Variants in AASS observed in about 807,000 individuals in gnomAD.
AASS encodes the protein alpha-aminoadipic semialdehyde synthase, mitochondrial.
A neutral mutation model predicts 105.4 loss-of-function variants in AASS; 86 were observed. The observed-to-expected ratio is 0.82, with a 90% CI of 0.69 to 0.98. AASS has a LOEUF of 0.98. Ranked by LOEUF, AASS falls within the 50% of genes least tolerant of loss-of-function variation. The probability of loss-of-function intolerance (pLI) is 0.00; values close to 1 mark genes in which losing one functional copy is unlikely to be tolerated. For missense variants in AASS, 1,048 were observed against 1,143.2 expected, an observed-to-expected ratio of 0.92 and a Z score of 1.20; for synonymous variants, 381 against 394.8, an observed-to-expected ratio of 0.96 and a Z score of 0.41.
At chr7:122,078,069 G>A in intron 22 of AASS, 55 bp from the exon 23 acceptor site, 1 of 1,519,216 alleles carries the variant, frequency 6.6e-7, no homozygotes, top group Non-Finnish European at 9.1e-7. Context: ...CTCAAATATT[G>A]TCTGTCATCT....
At chr7:122,112,307 C>T (rs541643852) in intron 11 of AASS, among the ~76,000 whole-genome samples, 2 of 152,298 alleles carry the variant, frequency 1.3e-5, no homozygotes, top group South Asian at 4.1e-4. Context: ...ATGACAGTGC[C>T]TGCTGCCTGC....
chr7:122,079,408 A>T, intron 21 of AASS, 189 bp downstream of exon 21: 1 of 1,265,870 alleles, frequency 7.9e-7, no homozygotes, highest in South Asian at 1.5e-5. Flanking sequence ...TCAAATTCTA[A>T]TTGCCATTGA....
rs559633981 is a variant in AASS at position 122,139,216 on chromosome 7, T to C, written c.-16+4945A>G. Among the ~76,000 whole-genome samples the C allele has an allele frequency of 3.3e-5, 5 of 152,304 alleles. No individual in the cohort carries two copies. In the South Asian group the frequency reaches 1.0e-3, roughly 32 times the overall value. On this transcript the variant is annotated intron_variant, in intron 1 of 23. Transcript: ENST00000417368. ...AATAAAATCTTTTGTACACGGAATA[T>C]GGGACAAATGCTTTTGATTCTCTTT...
In AASS at chr7:122,075,073, G is replaced by C. The variant is rs1792939272; in HGVS notation, c.*1416C>G. Among the ~76,000 whole-genome samples, 1 of 152,024 alleles carries C rather than the reference G, an allele frequency of 6.6e-6. No homozygotes were observed. The highest frequency in any genetic ancestry group is 1.5e-5 in the Non-Finnish European group (1 of 68,008). ...TGTTTGTTTGTTTTTGTAGAGATGG[G>C]ATCTCACTGTTTCCCAGGCTGGTCT... On this transcript the variant is annotated 3_prime_UTR_variant, in exon 24 of 24. Transcript: ENST00000417368.
At chr7:122,140,380 G>T (rs987548888) in intron 1 of AASS, among the ~76,000 whole-genome samples, 2 of 150,914 alleles carry the variant, frequency 1.3e-5, no homozygotes, top group Non-Finnish European at 2.9e-5. Context: ...AGCTACTCGG[G>T]AGACTGAGGC....
In AASS at chr7:122,076,557, C is replaced by T. The variant is rs772498344; in HGVS notation, c.2713G>A (p.Gly905Arg). 3.1e-6 allele frequency: 5 copies of T among 1,613,842 alleles called. No homozygotes were observed. The highest frequency in any genetic ancestry group is 2.2e-5 in the South Asian group (2 of 91,064). ...LMGPFSKEIY[G>R]PILERIKAEG... ...GCTTTAATTCGCTCCAATATTGGTCCATAGATCTCCTTTGAAAAGGGCCCC... is the reference window on the plus strand; with the variant it reads ...GCTTTAATTCGCTCCAATATTGGTCTATAGATCTCCTTTGAAAAGGGCCCC... The change falls in exon 24 of 24, where the codon GGA (glycine) becomes AGA (arginine). Residue 905 changes from glycine to arginine, a missense_variant. Gly to Arg is a moderately radical substitution (Grantham distance 125). Transcript: ENST00000417368.
At chr7:122,104,192 T>C (rs1794557676) in intron 11 of AASS, among the ~76,000 whole-genome samples, 1 of 152,042 alleles carries the variant, frequency 6.6e-6, no homozygotes, top group African/African-American at 2.4e-5. Context: ...AACAAAGCTC[T>C]ACTATTCACA....
intron 4 of AASS, among the ~76,000 whole-genome samples, chr7:122,122,497 T>A (rs1795484664): frequency 1.3e-5 from 2 of 152,022 alleles, no homozygotes; most frequent in Non-Finnish European, 2.9e-5. Flanking sequence ...AACAACAAAA[T>A]CTATCAACAA....
At chr7:122,083,367 C>G (rs1206372) in intron 19 of AASS, among the ~76,000 whole-genome samples, 14,625 of 152,024 alleles carry the variant, frequency 0.096, 941 homozygotes, top group African/African-American at 0.18. Flanking sequence ...GATTTCTGAG[C>G]TATTTATTAA....
At chr7:122,076,828 C>T (rs1315035462) in intron 23 of AASS, among the ~76,000 whole-genome samples, 2 of 152,170 alleles carry the variant, frequency 1.3e-5, no homozygotes, top group Non-Finnish European at 2.9e-5. Flanking sequence ...ACAGCCGGAC[C>T]TAGGGATATT....
intron 9 of AASS, among the ~76,000 whole-genome samples, chr7:122,114,237 C>G (rs1038324509): frequency 6.6e-6 from 1 of 152,168 alleles, no homozygotes; most frequent in Non-Finnish European, 1.5e-5. Context: ...ACATTCAGCA[C>G]CCTAAATATG....
At chr7:122,132,298 G>A (rs1212148599) in intron 2 of AASS, among the ~76,000 whole-genome samples, 1 of 152,156 alleles carries the variant, frequency 6.6e-6, no homozygotes, top group African/African-American at 2.4e-5. Context: ...GTGGAGGAGT[G>A]GAAGAGAAAG....
At chr7:122,114,951 T>C in intron 9 of AASS, 123 bp downstream of exon 9, 1 of 1,346,816 alleles carries the variant, frequency 7.4e-7, no homozygotes, top group Non-Finnish European at 1.1e-6. Context: ...TGCCAAGAGG[T>C]CAAGAAAGAT....
chr7:122,083,108 T>C (rs1199645018), intron 19 of AASS, among the ~76,000 whole-genome samples: 1 of 152,118 alleles, frequency 6.6e-6, no homozygotes, highest in Non-Finnish European at 1.5e-5. Flanking sequence ...TTTTAAAATA[T>C]AAAATAGTTC....
chr7:122,139,566 A>C (rs1796294804), intron 1 of AASS, among the ~76,000 whole-genome samples: 1 of 152,124 alleles, frequency 6.6e-6, no homozygotes, highest in South Asian at 2.1e-4. Flanking sequence ...ATCATAATGG[A>C]TGTCACAGTA....
Position 122,078,949 on chromosome 7 carries a change from A to T in AASS, c.2398T>A (p.Leu800Met), listed in dbSNP as rs1373386258. Residue 800 changes from leucine to methionine, a missense_variant and splice_region_variant, in exon 22 of 24, where the codon TTG becomes ATG. By Grantham distance (15) the Leu-to-Met change is conservative. Transcript: ENST00000417368. ...ACTTGTTCATCCCCAAGTAAGCCCA[A>T]CCTGAAAAGCACAGGAGATGGCTGC... ...DNTQLEAAEW[L>M]GLLGDEQVPQ... is the part of the protein sequence containing the mutation. The T allele has an allele frequency of 6.2e-7, 1 of 1,614,144 alleles. No homozygotes were observed. Among genetic ancestry groups the T allele is most frequent in the Non-Finnish European group, 8.5e-7 (1 of 1,180,004 alleles).
chr7:122,081,271 C>T (rs1793305348), intron 20 of AASS, among the ~76,000 whole-genome samples: 2 of 152,148 alleles, frequency 1.3e-5, no homozygotes, highest in African/African-American at 2.4e-5. Flanking sequence ...AAGGAGCAGT[C>T]AAATGGTATA....
intron 4 of AASS, among the ~76,000 whole-genome samples, chr7:122,122,040 A>T (rs1795462485): frequency 6.6e-6 from 1 of 152,122 alleles, no homozygotes; most frequent in Non-Finnish European, 1.5e-5. Context: ...TTTGATGTTT[A>T]TCGTAGTTAT....
chr7:122,119,118 A>G (rs532037735), intron 4 of AASS, among the ~76,000 whole-genome samples: 71 of 152,258 alleles, frequency 4.7e-4, no homozygotes, highest in African/African-American at 1.6e-3. Context: ...CAGTGAACAC[A>G]TTGTAGATCA....
Sources: allele counts gnomAD v4.1 joint callset (sites outside exome capture counted in the v4.1 genomes callset), GRCh38; gene constraint gnomAD v4.1.1; transcripts MANE v1.5; gene names NCBI Gene and HGNC (gene_info 2026-07-23, HGNC 2026-07-21).